Variants in FHIT observed in about 807,000 individuals in gnomAD.
The protein encoded by FHIT is bis(5'-adenosyl)-triphosphatase.
A neutral mutation model predicts 17.9 loss-of-function variants in FHIT; 19 were observed. The observed-to-expected ratio is 1.06, with a 90% confidence interval of 0.74 to 1.56. The LOEUF (loss-of-function observed/expected upper bound fraction) is 1.56, where lower values mean the gene tolerates loss of function less well. Among genes scored for constraint, FHIT ranks in the 40% most tolerant of loss-of-function variants. The pLI, the probability that FHIT is intolerant of heterozygous loss-of-function variation, is 0.00. For synonymous variants in FHIT, 81 were observed against 69.7 expected (o/e 1.16, Z -0.81); for missense variants, 248 against 189.2 (o/e 1.31, Z -1.82).
At chr3:60,445,164 AGT>A (rs1326464025) in intron 5 of FHIT, among the ~76,000 whole-genome samples, 1 of 152,080 alleles carries the variant, frequency 6.6e-6, no homozygotes, top group African/African-American at 2.4e-5. Flanking sequence ...AGAGTAAGAC[AGT>A]TTCCCCGGCC....
intron 5 of FHIT, among the ~76,000 whole-genome samples, chr3:60,041,251 G>A (rs1335021531): frequency 6.6e-6 from 1 of 152,152 alleles, no homozygotes; most frequent in Non-Finnish European, 1.5e-5. Flanking sequence ...TGCACAGGGG[G>A]CATTTTCAAC....
At chr3:60,128,492 T>C (rs1318480928) in intron 5 of FHIT, among the ~76,000 whole-genome samples, 4 of 152,202 alleles carry the variant, frequency 2.6e-5, no homozygotes, top group South Asian at 4.1e-4. Context: ...CCTTTATAAA[T>C]TGTCCAGTCT....
intron 4 of FHIT, among the ~76,000 whole-genome samples, chr3:60,572,531 T>C (rs2037420090): frequency 6.7e-6 from 1 of 150,186 alleles, no homozygotes; most frequent in Non-Finnish European, 1.5e-5. Context: ...CAAATGCACA[T>C]ACATGCATAC....
intron 7 of FHIT, among the ~76,000 whole-genome samples, chr3:59,942,821 A>T (rs1488068346): frequency 6.6e-6 from 1 of 151,614 alleles, no homozygotes; most frequent in Non-Finnish European, 1.5e-5. Flanking sequence ...ATATTTTTTT[A>T]AATTATTTGT....
At chr3:59,939,357 C>G (rs555029068) in intron 7 of FHIT, among the ~76,000 whole-genome samples, 9 of 152,232 alleles carry the variant, frequency 5.9e-5, no homozygotes, top group Admixed American at 2.0e-4. Context: ...GGACCCTACA[C>G]TAACAGAGGG....
chr3:60,200,375 T>A (rs1401388155), intron 5 of FHIT, among the ~76,000 whole-genome samples: 1 of 152,164 alleles, frequency 6.6e-6, no homozygotes, highest in Non-Finnish European at 1.5e-5. Context: ...TTTGCTCTTG[T>A]GGATAATACT....
At chr3:61,097,218 C>T (rs1013066935) in intron 2 of FHIT, among the ~76,000 whole-genome samples, 25 of 152,098 alleles carry the variant, frequency 1.6e-4, no homozygotes, top group African/African-American at 6.0e-4. Context: ...GTTCATCTCA[C>T]TGGGGCATGT....
chr3:59,901,123 T>C (rs892822576), intron 8 of FHIT, among the ~76,000 whole-genome samples: 16 of 152,260 alleles, frequency 1.1e-4, no homozygotes, highest in African/African-American at 3.9e-4. Context: ...AGTCTGCTCA[T>C]TTCTAAACTA....
At chr3:60,731,975 T>C (rs2107989585) in intron 4 of FHIT, among the ~76,000 whole-genome samples, 1 of 152,304 alleles carries the variant, frequency 6.6e-6, no homozygotes, top group South Asian at 2.1e-4. Context: ...TTCATAATCA[T>C]AAACTTAACT....
At chr3:59,939,766 T>C (rs1403102123) in intron 7 of FHIT, among the ~76,000 whole-genome samples, 1 of 152,156 alleles carries the variant, frequency 6.6e-6, no homozygotes, top group Non-Finnish European at 1.5e-5. Context: ...CTCATGGATA[T>C]AAAATTTGGG....
At chr3:60,059,577 A>G (rs1702219041) in intron 5 of FHIT, among the ~76,000 whole-genome samples, 1 of 151,774 alleles carries the variant, frequency 6.6e-6, no homozygotes, top group Non-Finnish European at 1.5e-5. Flanking sequence ...ATAAACTTCC[A>G]CTCCTGCTCT....
chr3:60,071,714 T>C (rs1241025083), intron 5 of FHIT, among the ~76,000 whole-genome samples: 2 of 152,276 alleles, frequency 1.3e-5, no homozygotes, highest in East Asian at 3.9e-4. Flanking sequence ...GACTTTCCAG[T>C]GATAATAAAA....
At chr3:60,179,035 A>C (rs1337945973) in intron 5 of FHIT, among the ~76,000 whole-genome samples, 2 of 152,176 alleles carry the variant, frequency 1.3e-5, no homozygotes, top group Non-Finnish European at 2.9e-5. Flanking sequence ...CTCTTAACAT[A>C]CAGTAGGTTT....
chr3:60,431,433 T>C (rs1702899804), intron 5 of FHIT, among the ~76,000 whole-genome samples: 1 of 152,090 alleles, frequency 6.6e-6, no homozygotes, highest in African/African-American at 2.4e-5. Context: ...TCAGGATGCT[T>C]AGTGTAGCTG....
chr3:60,930,765 T>C (rs2107363806), intron 3 of FHIT, among the ~76,000 whole-genome samples: 1 of 152,298 alleles, frequency 6.6e-6, no homozygotes, highest in South Asian at 2.1e-4. Flanking sequence ...ACACTGTTGG[T>C]GGGACTGTAA....
At chr3:59,857,932 G>T in intron 8 of FHIT, among the ~76,000 whole-genome samples, 1 of 152,072 alleles carries the variant, frequency 6.6e-6, no homozygotes, top group African/African-American at 2.4e-5. Flanking sequence ...GAACTTACGG[G>T]CGCCACCTGC....
At chr3:60,813,955 T>G (rs1701650105) in intron 4 of FHIT, among the ~76,000 whole-genome samples, 1 of 152,158 alleles carries the variant, frequency 6.6e-6, no homozygotes, top group Non-Finnish European at 1.5e-5. Flanking sequence ...TTCCATCAAT[T>G]TATTTTAAAC....
rs568613430 is a variant in FHIT at position 60,871,042 on chromosome 3, A to G, written c.-110-49031T>C. On this transcript the variant is annotated intron_variant, in intron 3 of 9. Coordinates refer to ENST00000492590, the MANE Select transcript of FHIT (RefSeq NM_002012.4). ...AAGATGGCACAATAGGAGCACTGAG[A>G]ACATGATTTTTAGGAAGAAAAGGAA... 2.4e-4 allele frequency among the ~76,000 whole-genome samples: 37 copies of G among 152,226 alleles called. No individual in the cohort carries two copies. In the South Asian group the frequency reaches 7.5e-3, roughly 31 times the overall value.
At chr3:60,825,660 C>A (rs1702085327) in intron 3 of FHIT, among the ~76,000 whole-genome samples, 1 of 152,072 alleles carries the variant, frequency 6.6e-6, no homozygotes, top group Non-Finnish European at 1.5e-5. Context: ...TGCGAGGGAT[C>A]TAGGCTGCCT....
Sources: allele counts gnomAD v4.1 joint callset (sites outside exome capture counted in the v4.1 genomes callset), GRCh38; gene constraint gnomAD v4.1.1; transcripts MANE v1.5; gene names NCBI Gene and HGNC (gene_info 2026-07-23, HGNC 2026-07-21).